The following FSHR variants were observed in gnomAD, a reference collection of about 807,000 sequenced individuals.
FSHR encodes the protein follicle-stimulating hormone receptor.
A neutral mutation model predicts 52.1 loss-of-function variants in FSHR; 46 were observed. That is an observed-to-expected ratio of 0.88 (90% confidence interval 0.70 to 1.13). FSHR has a LOEUF of 1.13. FSHR is among the 50% of genes most tolerant of loss of function. The probability of loss-of-function intolerance (pLI) is 0.00; values close to 1 mark genes in which losing one functional copy is unlikely to be tolerated. For synonymous variants in FSHR, 399 were observed against 309.6 expected, an observed-to-expected ratio of 1.29 and a Z score of -3.03; for missense variants, 964 against 834.6, an observed-to-expected ratio of 1.16 and a Z score of -1.91.
chr2:49,018,036 A>G (rs771441064), intron 3 of FSHR, among the ~76,000 whole-genome samples: 76 of 152,314 alleles, frequency 5.0e-4, no homozygotes, highest in Non-Finnish European at 8.8e-4. Context: ...TGAAAAGAAG[A>G]TAAGGAAGGA....
intron 8 of FSHR, among the ~76,000 whole-genome samples, chr2:48,973,228 G>C (rs549506260): frequency 2.6e-5 from 4 of 151,286 alleles, no homozygotes; most frequent in Non-Finnish European, 5.9e-5. Context: ...ATGAGAACCC[G>C]TATGGACAGA....
At chr2:48,992,281 T>C (rs1675820731) in intron 4 of FSHR, among the ~76,000 whole-genome samples, 2 of 152,204 alleles carry the variant, frequency 1.3e-5, no homozygotes, top group Non-Finnish European at 2.9e-5. Flanking sequence ...AATACAGACA[T>C]AGAACAGTGC....
At chr2:49,002,652 C>G (rs1451436649) in intron 4 of FSHR, among the ~76,000 whole-genome samples, 3 of 152,060 alleles carry the variant, frequency 2.0e-5, no homozygotes, top group African/African-American at 7.2e-5. Flanking sequence ...ATGGGGGTAG[C>G]AGCCCCCATG....
chr2:49,031,597 C>T (rs914919784), intron 2 of FSHR, among the ~76,000 whole-genome samples: 4 of 152,072 alleles, frequency 2.6e-5, no homozygotes, highest in South Asian at 2.1e-4. Flanking sequence ...TTCATTAATG[C>T]ACTCTAGTTC....
In FSHR at chr2:48,982,961, C is replaced by G; in HGVS notation, c.619G>C (p.Glu207Gln). ...TGGAAAACATCATTAGGCAATTCTT[C>G]TAAATTATTATTATCGCTTAGATTC... ...ELNLSDNNNL[E>Q]ELPNDVFHGA... is the part of the protein sequence containing the mutation. Residue 207 changes from glutamate to glutamine, a missense_variant, in exon 8 of 10, where the codon GAA becomes CAA. Glu to Gln is a conservative substitution (Grantham distance 29). Coordinates refer to ENST00000406846, the MANE Select transcript of FSHR (RefSeq NM_000145.4). The G allele has an allele frequency of 6.2e-7, 1 of 1,614,058 alleles. No homozygotes were observed. The highest frequency in any genetic ancestry group is 8.5e-7 in the Non-Finnish European group (1 of 1,179,970).
intron 2 of FSHR, among the ~76,000 whole-genome samples, chr2:49,044,966 G>A (rs1668603394): frequency 6.6e-6 from 1 of 152,196 alleles, no homozygotes; most frequent in African/African-American, 2.4e-5. Context: ...TGTTTCTAGA[G>A]CACCAAGAGA....
intron 1 of FSHR, among the ~76,000 whole-genome samples, chr2:49,149,074 ATATTAT>A (rs1448955506): frequency 6.6e-6 from 1 of 152,000 alleles, no homozygotes; most frequent in Non-Finnish European, 1.5e-5. Context: ...TTTAAAAAAA[ATATTAT>A]TATTAGTAGC....
chr2:49,121,577 C>A (rs1365509981), intron 1 of FSHR, among the ~76,000 whole-genome samples: 1 of 152,106 alleles, frequency 6.6e-6, no homozygotes, highest in Non-Finnish European at 1.5e-5. Flanking sequence ...CTTTCCCATA[C>A]CTAGCTGAGG....
At chr2:49,131,992 G>A (rs551314186) in intron 1 of FSHR, among the ~76,000 whole-genome samples, 2 of 152,202 alleles carry the variant, frequency 1.3e-5, no homozygotes, top group East Asian at 1.9e-4. Context: ...ATGTTATCAC[G>A]TGACAACTTG....
intron 4 of FSHR, chr2:48,997,235 G>C: frequency 1.0e-6 from 1 of 985,006 alleles, no homozygotes; most frequent in South Asian, 4.7e-5. Flanking sequence ...AATTATGTGA[G>C]ACAGTAGGAA....
intron 1 of FSHR, among the ~76,000 whole-genome samples, chr2:49,138,863 T>C (rs1558462962): frequency 6.6e-6 from 1 of 152,258 alleles, no homozygotes; most frequent in Non-Finnish European, 1.5e-5. Context: ...AAGCTGTTTT[T>C]TTTTAATAAT....
In FSHR at chr2:48,963,936, A is replaced by G. The variant is rs1265708967; in HGVS notation, c.885T>C (p.Ser295=). ...TATAATCAACTTCTTGCCTTAAAAT[A>G]GATTTGTTGCAAATTGGATGAAGCT... The part of the protein sequence containing the change: ...ISELHPICNK[S]ILRQEVDYMT... The change falls in exon 10 of 10, where the codon TCT becomes TCC. Residue 295 remains serine (S), a synonymous_variant. Transcript: ENST00000406846. 2 of 1,613,770 alleles carry G rather than the reference A, an allele frequency of 1.2e-6. No individual in the cohort carries two copies. The highest frequency in any genetic ancestry group is 1.7e-6 in the Non-Finnish European group (2 of 1,179,920).
In FSHR at chr2:48,997,384, G is replaced by A. The variant is rs372277259; in HGVS notation, c.375-6747C>T. 49 of 984,972 alleles carry A rather than the reference G, an allele frequency of 5.0e-5. No homozygotes were observed. The East Asian group carries it at 4.1e-3, about 82-fold the overall frequency. The allele number at this position is 984,972 out of a possible 1,614,324, so 61.0% of individuals were successfully genotyped here. A position where few individuals can be genotyped will look rare whatever the true frequency, so the allele number is the denominator to read the frequency against. ...TCAGGGGAAATTTAAGGAGCTCAAG[G>A]GTAACATTTCCTAGAGGAGAGGTCA... On this transcript the variant is annotated intron_variant, in intron 4 of 9. Coordinates refer to ENST00000406846, the MANE Select transcript of FSHR (RefSeq NM_000145.4).
At chr2:49,045,108 C>G (rs960572515) in intron 2 of FSHR, among the ~76,000 whole-genome samples, 2 of 152,164 alleles carry the variant, frequency 1.3e-5, no homozygotes, top group African/African-American at 4.8e-5. Flanking sequence ...TCCCCATAAT[C>G]TATCATTTGG....
intron 1 of FSHR, among the ~76,000 whole-genome samples, chr2:49,095,507 T>C (rs1242092742): frequency 6.6e-6 from 1 of 152,218 alleles, no homozygotes; most frequent in Non-Finnish European, 1.5e-5. Flanking sequence ...TTGTAAGAGC[T>C]AAAACTATAA....
chr2:48,974,729 T>C (rs1674904875), intron 8 of FSHR, among the ~76,000 whole-genome samples: 1 of 137,434 alleles, frequency 7.3e-6, no homozygotes, highest in Non-Finnish European at 1.6e-5. Context: ...TCTCCATGGA[T>C]TAAGAAAATT....
chr2:49,031,235 G>A (rs1668090833), intron 2 of FSHR, among the ~76,000 whole-genome samples: 1 of 152,180 alleles, frequency 6.6e-6, no homozygotes, highest in Non-Finnish European at 1.5e-5. Flanking sequence ...CCTCATGTTA[G>A]CAGCTTCTGA....
chr2:49,093,540 A>G (rs1045048268), intron 1 of FSHR, among the ~76,000 whole-genome samples: 2 of 151,462 alleles, frequency 1.3e-5, no homozygotes, highest in South Asian at 4.2e-4. Context: ...ATGGCATGGC[A>G]TAGTCTCTCT....
intron 1 of FSHR, among the ~76,000 whole-genome samples, chr2:49,094,661 C>CAG (rs1350430203): frequency 8.5e-5 from 13 of 152,100 alleles, no homozygotes; most frequent in Middle Eastern, 3.4e-3. Context: ...TTATGGGATT[C>CAG]AGAGAGAGCA....
Sources: gnomAD v4.1 joint callset for allele counts (sites outside exome capture counted in the v4.1 genomes callset) on GRCh38, gnomAD v4.1.1 for gene constraint, MANE v1.5 for transcripts, NCBI Gene and HGNC (gene_info 2026-07-23, HGNC 2026-07-21) for gene names.